C5: variants seen among roughly 807,000 people sequenced by gnomAD.
C5 encodes the protein complement C5.
A neutral mutation model predicts 218.8 loss-of-function variants in C5; 140 were observed. The observed-to-expected ratio is 0.64, with a 90% confidence interval of 0.56 to 0.74. The LOEUF (loss-of-function observed/expected upper bound fraction) is 0.74. C5 is among the 30% of genes least tolerant of loss of function. The probability of loss-of-function intolerance (pLI) is 0.00; values close to 1 mark genes in which losing one functional copy is unlikely to be tolerated. For missense variants in C5, 1,700 were observed against 1,969.6 expected (o/e 0.86, Z 2.59); for synonymous variants, 614 against 682.3 (o/e 0.90, Z 1.56).
At chr9:121,031,961 T>C in intron 6 of C5, 152 bp downstream of exon 6, 1 of 514,192 alleles carries the variant, frequency 1.9e-6, no homozygotes, top group Non-Finnish European at 3.6e-6. Context: ...CTACTTGGGA[T>C]GCTGAGGCAG....
intron 17 of C5, among the ~76,000 whole-genome samples, chr9:121,013,204 C>A (rs1193932763): frequency 6.6e-6 from 1 of 151,366 alleles, no homozygotes. Flanking sequence ...CCTTTAATCC[C>A]AGTTACTCAG....
At chr9:120,997,227 CA>C (rs1445374755) in intron 21 of C5, among the ~76,000 whole-genome samples, 7 of 151,688 alleles carry the variant, frequency 4.6e-5, no homozygotes, top group Non-Finnish European at 8.8e-5. Flanking sequence ...ACCTGTATAC[CA>C]AAAAAAGACG....
intron 16 of C5, 31 bp downstream of exon 16, chr9:121,015,168 C>A: frequency 7.0e-7 from 1 of 1,426,226 alleles, no homozygotes. Flanking sequence ...ATGACCATAA[C>A]CTTTTTACAA....
intron 5 of C5, among the ~76,000 whole-genome samples, chr9:121,033,582 C>G (rs994049234): frequency 2.0e-5 from 3 of 152,196 alleles, no homozygotes; most frequent in African/African-American, 2.4e-5. Flanking sequence ...GCAAGTGGCA[C>G]AAGATGAAGT....
chr9:120,988,360 G>A (rs2047050099), intron 25 of C5, among the ~76,000 whole-genome samples: 1 of 152,124 alleles, frequency 6.6e-6, no homozygotes, highest in Non-Finnish European at 1.5e-5. Context: ...TGTTGGGAGG[G>A]GAGTGGATTG....
intron 22 of C5, among the ~76,000 whole-genome samples, chr9:120,995,641 A>G (rs1381916838): frequency 6.6e-6 from 1 of 152,106 alleles, no homozygotes; most frequent in Non-Finnish European, 1.5e-5. Flanking sequence ...AATATATTAT[A>G]AATTATTATT....
At chr9:121,034,709 C>T (rs1361171620) in intron 5 of C5, 94 bp downstream of exon 5, 3 of 721,208 alleles carry the variant, frequency 4.2e-6, no homozygotes, top group Non-Finnish European at 7.5e-6. Context: ...TATGTGACAC[C>T]CTTTGTTAAC....
chr9:121,054,415 T>C (rs538178914), upstream of C5, among the ~76,000 whole-genome samples: 3 of 152,098 alleles, frequency 2.0e-5, no homozygotes, highest in South Asian at 2.1e-4. Context: ...GTCTGGCCAA[T>C]ATGGTGAAAC....
chr9:121,013,078 G>T (rs2047275450), intron 17 of C5, among the ~76,000 whole-genome samples: 1 of 152,132 alleles, frequency 6.6e-6, no homozygotes, highest in Non-Finnish European at 1.5e-5. Context: ...TCAGCACTTT[G>T]GGAGGCCGAG....
At chr9:120,997,409 A>T in intron 21 of C5, 138 bp downstream of exon 21, 2 of 685,172 alleles carry the variant, frequency 2.9e-6, no homozygotes, top group South Asian at 3.8e-5. Context: ...GTACAAAAAA[A>T]ATCTGGAATA....
At chr9:120,991,503 G>A (rs1384444605) in intron 22 of C5, among the ~76,000 whole-genome samples, 2 of 152,092 alleles carry the variant, frequency 1.3e-5, no homozygotes, top group Admixed American at 1.3e-4. Context: ...AAGCTTCCTG[G>A]TCATTATAAG....
At chr9:121,045,800 A>G (rs2047621540) in intron 2 of C5, among the ~76,000 whole-genome samples, 1 of 152,174 alleles carries the variant, frequency 6.6e-6, no homozygotes, top group Non-Finnish European at 1.5e-5. Flanking sequence ...GTTCAATCGA[A>G]TGTTCAATAA....
chr9:120,976,861 T>C lies in C5; in HGVS notation c.3703A>G (p.Lys1235Glu). ...CCAGTGTTAGGTACAGAGCTGTCTT[T>C]ATGCTGAAGATTGTCTTTCCAAAAA... Reference protein sequence around the residue: ...YRFWKDNLQHKDSSVPNTGTA... With the variant: ...YRFWKDNLQHEDSSVPNTGTA... The change falls in exon 29 of 41, where the codon AAA becomes GAA. Residue 1235 changes from lysine to glutamate, a missense_variant. Coordinates refer to ENST00000223642, the MANE Select transcript of C5 (RefSeq NM_001735.3). 6.2e-7 allele frequency: 1 copy of C among 1,614,192 alleles called. No homozygotes were observed. The highest frequency in any genetic ancestry group is 8.5e-7 in the Non-Finnish European group (1 of 1,180,014).
rs2047510382 is a variant in C5, at chr9:121,034,880, T to G, written c.507A>C (p.Ser169=). The G allele has an allele frequency of 1.3e-6, 2 of 1,586,532 alleles. No homozygotes were observed. Among genetic ancestry groups the G allele is most frequent in the South Asian group, 1.1e-5 (1 of 90,260 alleles). The change falls in exon 5 of 41, where the codon TCA becomes TCC. Residue 169 remains serine (S), a synonymous_variant. Coordinates refer to ENST00000223642, the MANE Select transcript of C5 (RefSeq NM_001735.3). The stretch of plus-strand genomic sequence containing the variant: ...CAATTTCTTCTACCATGTCAACTTC[T>G]GATCCTTCAGGATCCTGTAAATAAA... ...TVLTFIDPEG[S]EVDMVEEIDH...
At chr9:120,955,775 G>A (rs1333262680) in intron 39 of C5, among the ~76,000 whole-genome samples, 1 of 152,044 alleles carries the variant, frequency 6.6e-6, no homozygotes, top group African/African-American at 2.4e-5. Flanking sequence ...TTAAACTCTA[G>A]GGTATGGTTA....
intron 6 of C5, 91 bp from the exon 7 acceptor site, chr9:121,030,578 A>G: frequency 3.0e-6 from 2 of 676,686 alleles, no homozygotes; most frequent in Non-Finnish European, 5.2e-6. Flanking sequence ...GTATAGTTGG[A>G]CAAGCTGTAA....
intron 33 of C5, among the ~76,000 whole-genome samples, chr9:120,964,191 A>G (rs1010893070): frequency 6.6e-6 from 1 of 152,250 alleles, no homozygotes; most frequent in Non-Finnish European, 1.5e-5. Flanking sequence ...AAGAAAATAC[A>G]CTAAGGCAAG....
At chr9:121,063,891 G>A in the C5 span, among the ~76,000 whole-genome samples, 1 of 151,996 alleles carries the variant, frequency 6.6e-6, no homozygotes, top group East Asian at 1.9e-4. Context: ...AAAAAGATAA[G>A]GATGCAAAAA....
At chr9:121,018,797 GGA>G (rs1587982578) in intron 12 of C5, among the ~76,000 whole-genome samples, 1 of 149,406 alleles carries the variant, frequency 6.7e-6, no homozygotes, top group East Asian at 2.0e-4. Flanking sequence ...AAGGAAGGAA[GGA>G]AGAAAGAGTG....
Sources: allele counts gnomAD v4.1 joint callset (sites outside exome capture counted in the v4.1 genomes callset), GRCh38; gene constraint gnomAD v4.1.1; transcripts MANE v1.5; gene names NCBI Gene and HGNC (gene_info 2026-07-23, HGNC 2026-07-21).